Variants in NUP85 observed in about 807,000 individuals in gnomAD.
NUP85 encodes nuclear pore complex protein Nup85.
NUP85 carries 23 observed loss-of-function variants against 92.8 expected under a neutral mutation model. That is an observed-to-expected ratio of 0.25 (90% CI 0.18 to 0.35). The LOEUF (loss-of-function observed/expected upper bound fraction) is 0.35. Ranked by LOEUF, NUP85 falls within the 10% of genes least tolerant of loss-of-function variation. The pLI is 1.00. For missense variants in NUP85, 759 were observed against 822.8 expected (o/e 0.92, Z 0.95); for synonymous variants, 314 against 306.9 (o/e 1.02, Z -0.24).
At chr17:75,209,798 A>ATT (rs751052920) in intron 2 of NUP85, 25 bp from the exon 3 acceptor site, 4 of 1,478,846 alleles carry the variant, frequency 2.7e-6, no homozygotes, top group South Asian at 2.6e-5. Context: ...TAGATGTTAA[A>ATT]TTTTTTTTTT....
rs1466964787 is a variant in NUP85 at position 75,233,148 on chromosome 17, G to A, written c.1605G>A (p.Leu535=). The A allele has an allele frequency of 3.7e-6, 6 of 1,613,930 alleles. No individual in the cohort carries two copies. Among genetic ancestry groups the A allele is most frequent in the Admixed American group, 1.7e-5 (1 of 60,002 alleles). Reference sequence around the variant, plus strand: ...CAGCCATGATGCTCAGTGACCGACTGACATTCCTGGGTGAGTCTCTGGGTT... The same window carrying A: ...CAGCCATGATGCTCAGTGACCGACTAACATTCCTGGGTGAGTCTCTGGGTT... The part of the protein sequence containing the change: ...LGPAMMLSDR[L]TFLGKYREFH... The change falls in exon 16 of 19, where the codon CTG becomes CTA. Residue 535 remains leucine, a synonymous_variant. Transcript: ENST00000245544.
intron 7 of NUP85, among the ~76,000 whole-genome samples, chr17:75,219,047 T>C (rs1034017558): frequency 8.5e-5 from 13 of 152,174 alleles, no homozygotes; most frequent in African/African-American, 3.1e-4. Flanking sequence ...TTCTATGTGT[T>C]AGGTATTTCC....
At chr17:75,212,155 T>C (rs1432415555) in intron 4 of NUP85, 93 bp downstream of exon 4, 10 of 819,762 alleles carry the variant, frequency 1.2e-5, no homozygotes, top group Non-Finnish European at 1.9e-5. Flanking sequence ...TGAGGTAAAG[T>C]TTGATTGATA....
rs776084988 is a variant in NUP85, at chr17:75,213,082, C to G, written c.368C>G (p.Ala123Gly). The change falls in exon 5 of 19, where the codon GCT becomes GGT. Residue 123 changes from alanine to glycine, a missense_variant. Ala to Gly is a moderately conservative substitution (Grantham distance 60, BLOSUM62 0). Transcript: ENST00000245544. Reference protein sequence around the residue: ...MEEMHQVAIAAKDPANGRQFS... With the variant: ...MEEMHQVAIAGKDPANGRQFS... ...ATGTTTTGTGTTTTGTTAGTTGCTG[C>G]TAAAGATCCAGCCAATGGCCGCCAG... 2 of 1,613,216 alleles carry G rather than the reference C, an allele frequency of 1.2e-6. No individual in the cohort carries two copies. The highest frequency in any genetic ancestry group is 2.2e-5 in the South Asian group (2 of 90,818).
At chr17:75,209,072 G>A (rs950998853) in intron 2 of NUP85, among the ~76,000 whole-genome samples, 11 of 151,880 alleles carry the variant, frequency 7.2e-5, no homozygotes, top group African/African-American at 1.2e-4. Context: ...GTTGAATCCC[G>A]GAAAAAAATT....
chr17:75,230,149 T>A (rs1459536626), intron 11 of NUP85, among the ~76,000 whole-genome samples: 1 of 151,346 alleles, frequency 6.6e-6, no homozygotes, highest in African/African-American at 2.4e-5. Context: ...GCTCAAGCGA[T>A]CTTCTGCCTC....
Position 75,226,127 on chromosome 17 carries a change from T to C in NUP85, c.1064T>C (p.Phe355Ser). Reference sequence around the variant, plus strand: ...AACATCTTGTTGGCAGCCTTTGAGTTTGACATCCATCAAGTAATCAAAGAG... The same window carrying C: ...AACATCTTGTTGGCAGCCTTTGAGTCTGACATCCATCAAGTAATCAAAGAG... ...LDNILLAAFE[F>S]DIHQVIKECS... The change falls in exon 11 of 19, where the codon TTT becomes TCT. Residue 355 changes from phenylalanine (F) to serine (S), a missense_variant. Physicochemically the swap from Phe to Ser is radical, Grantham distance 155. Transcript: ENST00000245544. The C allele has an allele frequency of 1.2e-6, 2 of 1,614,068 alleles. No individual in the cohort carries two copies. Among genetic ancestry groups the C allele is most frequent in the Non-Finnish European group, 8.5e-7 (1 of 1,180,006 alleles).
chr17:75,205,767 G>A lies in NUP85; in HGVS notation c.6G>A (p.Glu2=). The change falls in exon 1 of 19, where the codon GAG becomes GAA. Residue 2 remains glutamate (E), a synonymous_variant. Coordinates refer to ENST00000245544, the MANE Select transcript of NUP85 (RefSeq NM_024844.5). M[E]ELDGEPTVTL... ...GGAGCCTGGGGTTCGGCGCTATGGA[G>A]GAGCTCGATGGCGAGCCAACAGTCA... 1 of 1,614,198 alleles carries A rather than the reference G, an allele frequency of 6.2e-7. No homozygotes were observed. The highest frequency in any genetic ancestry group is 8.5e-7 in the Non-Finnish European group (1 of 1,180,038).
intron 1 of NUP85, chr17:75,208,312 G>T: frequency 2.1e-6 from 1 of 467,714 alleles, no homozygotes; most frequent in Non-Finnish European, 3.8e-6. Flanking sequence ...GGGTGTGGTT[G>T]CACACACCTG....
intron 5 of NUP85, 108 bp downstream of exon 5, chr17:75,213,227 G>C: frequency 1.1e-6 from 1 of 906,102 alleles, no homozygotes; most frequent in Non-Finnish European, 1.8e-6. Flanking sequence ...CTTCTTTTCA[G>C]GTAGATAGGC....
At chr17:75,233,437 C>CTTT (rs60396796) in intron 16 of NUP85, among the ~76,000 whole-genome samples, 5,482 of 117,094 alleles carry the variant, frequency 0.047, 750 homozygotes, top group African/African-American at 0.15. Context: ...TTTATTTTTT[C>CTTT]TTTTTTTTTT....
At chr17:75,216,619 C>G (rs920624789) in intron 6 of NUP85, among the ~76,000 whole-genome samples, 1 of 152,110 alleles carries the variant, frequency 6.6e-6, no homozygotes, top group Non-Finnish European at 1.5e-5. Flanking sequence ...CCTGTATGAG[C>G]TCTCTGTGGA....
At chr17:75,223,548 C>T (rs903659280) in intron 7 of NUP85, among the ~76,000 whole-genome samples, 3 of 151,880 alleles carry the variant, frequency 2.0e-5, no homozygotes, top group Non-Finnish European at 4.4e-5. Context: ...CCATCACGCC[C>T]GGCTAATTTT....
chr17:75,211,765 C>T (rs1260537016), intron 3 of NUP85, among the ~76,000 whole-genome samples: 3 of 152,122 alleles, frequency 2.0e-5, no homozygotes, highest in Non-Finnish European at 4.4e-5. Context: ...TCATCTGCAA[C>T]AATTAATGGC....
chr17:75,211,856 CAGA>C (rs1320253044), intron 3 of NUP85, 133 bp from the exon 4 acceptor site: 10 of 655,334 alleles, frequency 1.5e-5, no homozygotes, highest in Non-Finnish European at 2.7e-5. Context: ...GTTCCAGCTT[CAGA>C]AGGTTAGGAG....
At position 75,208,582 on chromosome 17, in the gene NUP85, G is replaced by C; in HGVS notation, c.89G>C (p.Gly30Ala). 6.2e-7 allele frequency: 1 copy of C among 1,609,652 alleles called. No homozygotes were observed. The highest frequency in any genetic ancestry group is 1.7e-5 in the Admixed American group (1 of 59,862). ...KNQMYFDWGP[G>A]EMLVCETSFN... ...CAAATGTATTTTGACTGGGGTCCAG[G>C]GGAGATGCTGGTATGTGAAACCTCC... The change falls in exon 2 of 19, where the codon GGG becomes GCG. Residue 30 changes from glycine to alanine, a missense_variant. Gly to Ala is a moderately conservative substitution (Grantham distance 60). Coordinates refer to ENST00000245544, the MANE Select transcript of NUP85 (RefSeq NM_024844.5).
At chr17:75,225,525 T>C in intron 9 of NUP85, 61 bp downstream of exon 9, 2 of 1,591,968 alleles carry the variant, frequency 1.3e-6, no homozygotes, top group South Asian at 1.1e-5. Context: ...TGGCATCCAG[T>C]GCAGCAGTGG....
At chr17:75,224,999 T>G in intron 7 of NUP85, 104 bp from the exon 8 acceptor site, 1 of 1,188,182 alleles carries the variant, frequency 8.4e-7, no homozygotes, top group Non-Finnish European at 1.2e-6. Flanking sequence ...AGCCTGTGTG[T>G]GAAGAGTTAA....
intron 11 of NUP85, 109 bp downstream of exon 11, chr17:75,226,266 GCTAT>G: frequency 1.3e-6 from 1 of 774,796 alleles, no homozygotes; most frequent in Non-Finnish European, 2.2e-6. Context: ...CCTCAGACCT[GCTAT>G]CTTAGTCCAT....
Sources: allele counts gnomAD v4.1 joint callset (sites outside exome capture counted in the v4.1 genomes callset), GRCh38; gene constraint gnomAD v4.1.1; transcripts MANE v1.5; gene names NCBI Gene and HGNC (gene_info 2026-07-23, HGNC 2026-07-21).